The following FRMD3 variants were observed in gnomAD, a reference collection of about 807,000 sequenced individuals.
The protein encoded by FRMD3 is FERM domain containing 3.
In FRMD3, 33 loss-of-function variants were observed where a neutral mutation model predicts 70.2. That is an observed-to-expected ratio of 0.47 (90% CI 0.36 to 0.63). The LOEUF is 0.63. FRMD3 is among the 20% of genes least tolerant of loss of function. The pLI, the probability that FRMD3 is intolerant of heterozygous loss-of-function variation, is 0.00. For synonymous variants in FRMD3, 279 were observed against 255.9 expected (o/e 1.09, Z -0.86); for missense variants, 632 against 711.4 (o/e 0.89, Z 1.27).
intron 2 of FRMD3, among the ~76,000 whole-genome samples, chr9:83,373,736 C>A (rs1417087768): frequency 6.6e-6 from 1 of 152,130 alleles, no homozygotes; most frequent in East Asian, 1.9e-4. Flanking sequence ...CTTAGAGTCA[C>A]TTTATACACC....
At chr9:83,418,113 T>TG (rs1216992704) in intron 1 of FRMD3, among the ~76,000 whole-genome samples, 2 of 72,194 alleles carry the variant, frequency 2.8e-5, no homozygotes, top group Non-Finnish European at 5.4e-5. Context: ...GGAGAGACAC[T>TG]GGGGTGGGGG....
At chr9:83,276,583 C>T (rs1265622542) in intron 13 of FRMD3, 1 of 151,988 alleles carries the variant, frequency 6.6e-6, no homozygotes, top group Non-Finnish European at 1.5e-5. Flanking sequence ...ATCCTTACAC[C>T]CAAAACACTA....
At chr9:83,284,937 A>C (rs193256491) in intron 13 of FRMD3, among the ~76,000 whole-genome samples, 7 of 152,044 alleles carry the variant, frequency 4.6e-5, no homozygotes. Flanking sequence ...TGTGTAGTGC[A>C]TGAAAGACAT....
At position 83,348,449 on chromosome 9, in the gene FRMD3, G is replaced by C. The variant is rs184877373; in HGVS notation, c.374+1230C>G. On this transcript the variant is annotated intron_variant, in intron 4 of 13. Coordinates refer to ENST00000304195, the MANE Select transcript of FRMD3 (RefSeq NM_174938.6). ...ACCAAAAGTAGATTAGTGGTTGCCA[G>C]GGGCTTGGATGGGGACTAGGGTGGA... is the stretch of plus-strand genomic sequence containing the variant. Among the ~76,000 whole-genome samples the C allele has an allele frequency of 2.6e-5, 4 of 152,340 alleles. No homozygotes were observed. The East Asian group carries it at 5.8e-4, about 22-fold the overall frequency.
intron 1 of FRMD3, among the ~76,000 whole-genome samples, chr9:83,477,423 A>G (rs891645434): frequency 6.6e-6 from 1 of 152,124 alleles, no homozygotes; most frequent in Non-Finnish European, 1.5e-5. Flanking sequence ...AGTCACCTGG[A>G]GAGCTTTAGA....
chr9:83,549,305 T>A, the FRMD3 span, among the ~76,000 whole-genome samples: 1 of 152,220 alleles, frequency 6.6e-6, no homozygotes, highest in Non-Finnish European at 1.5e-5. Context: ...TATGACTGCA[T>A]AATATTCCAT....
intron 1 of FRMD3, among the ~76,000 whole-genome samples, chr9:83,433,909 G>A (rs1827055232): frequency 6.6e-6 from 1 of 152,178 alleles, no homozygotes; most frequent in African/African-American, 2.4e-5. Context: ...CTGCTGTGCA[G>A]CCCGGTTCCT....
At chr9:83,410,495 G>A (rs1826247182) in intron 1 of FRMD3, among the ~76,000 whole-genome samples, 1 of 152,122 alleles carries the variant, frequency 6.6e-6, no homozygotes, top group South Asian at 2.1e-4. Context: ...TTTTATGACT[G>A]AATAGTATTC....
chr9:83,317,130 TAA>T (rs991948259), intron 6 of FRMD3, among the ~76,000 whole-genome samples: 2 of 146,576 alleles, frequency 1.4e-5, no homozygotes, highest in African/African-American at 5.0e-5. Context: ...GATCCTGTCT[TAA>T]AAAAAAAATA....
intron 3 of FRMD3, among the ~76,000 whole-genome samples, chr9:83,358,166 C>G (rs570602626): frequency 2.4e-4 from 36 of 152,194 alleles, no homozygotes; most frequent in Non-Finnish European, 4.6e-4. Flanking sequence ...TGCCAATTAT[C>G]CCAGAACCAT....
intron 1 of FRMD3, among the ~76,000 whole-genome samples, chr9:83,503,483 A>G (rs1829118060): frequency 2.0e-5 from 3 of 152,076 alleles, no homozygotes; most frequent in Admixed American, 2.0e-4. Flanking sequence ...AACCTGAACA[A>G]CCTTGGAAAT....
At chr9:83,362,802 TTTTC>T (rs1824640846) in intron 3 of FRMD3, among the ~76,000 whole-genome samples, 6 of 101,252 alleles carry the variant, frequency 5.9e-5, no homozygotes, top group African/African-American at 2.9e-4. Context: ...CTTCCTTCCT[TTTTC>T]CTTCCTTCCC....
chr9:83,482,787 T>C (rs571332322), intron 1 of FRMD3, among the ~76,000 whole-genome samples: 2 of 152,180 alleles, frequency 1.3e-5, no homozygotes, highest in African/African-American at 4.8e-5. Context: ...TAGAAGGGCA[T>C]GACAAACATA....
downstream of FRMD3, among the ~76,000 whole-genome samples, chr9:83,243,415 G>A (rs1263155790): frequency 6.6e-6 from 1 of 152,202 alleles, no homozygotes; most frequent in African/African-American, 2.4e-5. Context: ...TTTCTCCAGG[G>A]TGGGAATGTT....
chr9:83,364,160 C>T (rs1476168247), intron 3 of FRMD3, among the ~76,000 whole-genome samples: 1 of 152,168 alleles, frequency 6.6e-6, no homozygotes, highest in Non-Finnish European at 1.5e-5. Context: ...AAACATAATA[C>T]ATTCTGCATA....
chr9:83,331,177 A>T (rs1836244439), intron 6 of FRMD3, among the ~76,000 whole-genome samples: 1 of 152,256 alleles, frequency 6.6e-6, no homozygotes, highest in African/African-American at 2.4e-5. Context: ...CCTTATTCAT[A>T]ATTGCTCAAA....
chr9:83,343,860 G>C (rs1021844882), intron 4 of FRMD3, among the ~76,000 whole-genome samples: 4 of 152,222 alleles, frequency 2.6e-5, no homozygotes, highest in Non-Finnish European at 1.5e-5. Flanking sequence ...GGCACACTCA[G>C]ATGCCTATTG....
chr9:83,316,223 A>G (rs1241349371), intron 6 of FRMD3, among the ~76,000 whole-genome samples: 2 of 143,868 alleles, frequency 1.4e-5, no homozygotes, highest in Admixed American at 1.4e-4. Context: ...CAGTGGTGCA[A>G]TCTCAGCTCA....
chr9:83,421,224 G>A (rs1826632924), intron 1 of FRMD3, among the ~76,000 whole-genome samples: 1 of 152,084 alleles, frequency 6.6e-6, no homozygotes, highest in Non-Finnish European at 1.5e-5. Context: ...ACAGGCGTGA[G>A]CCACCGCGCC....
Sources: gnomAD v4.1 joint callset for allele counts (sites outside exome capture counted in the v4.1 genomes callset) on GRCh38, gnomAD v4.1.1 for gene constraint, MANE v1.5 for transcripts, NCBI Gene and HGNC (gene_info 2026-07-23, HGNC 2026-07-21) for gene names.